The following NEXMIF variants were observed in gnomAD, a reference collection of about 807,000 sequenced individuals.
The protein encoded by NEXMIF is neurite extension and migration factor.
Under a neutral mutation model 62.1 loss-of-function variants are expected in NEXMIF, and 8 were observed. The observed-to-expected ratio is 0.13, with a 90% confidence interval of 0.08 to 0.23. The LOEUF is 0.23. Ranked by LOEUF, NEXMIF falls within the 10% of genes least tolerant of loss-of-function variation. NEXMIF has a pLI of 1.00. For missense variants in NEXMIF, 976 were observed against 1,113.3 expected, an observed-to-expected ratio of 0.88 and a Z score of 1.75; for synonymous variants, 404 against 416.6, an observed-to-expected ratio of 0.97 and a Z score of 0.37.
chrX:74,817,470 T>A (rs1164559658), intron 1 of NEXMIF, among the ~76,000 whole-genome samples: 1 of 111,880 alleles, frequency 8.9e-6, no homozygotes, highest in Non-Finnish European at 1.9e-5. Flanking sequence ...ACAGTCCATA[T>A]ACTAAAGGGT....
chrX:74,752,240 T>C (rs912131972), intron 1 of NEXMIF, among the ~76,000 whole-genome samples: 1 of 112,113 alleles, frequency 8.9e-6, no homozygotes, highest in Non-Finnish European at 1.9e-5. Context: ...TTCCATCTCA[T>C]GTCCTTTCCT....
At chrX:74,821,914 T>C (rs1361243897) in intron 1 of NEXMIF, among the ~76,000 whole-genome samples, 1 of 111,346 alleles carries the variant, frequency 9.0e-6, no homozygotes, top group Non-Finnish European at 1.9e-5. Flanking sequence ...CACGCTCGGC[T>C]AATTTTTGCA....
In NEXMIF at chrX:74,742,464, T is replaced by G. The variant is rs1225690006; in HGVS notation, c.2093A>C (p.Asp698Ala). The G allele has an allele frequency of 5.8e-6, 7 of 1,209,893 alleles. No individual in the cohort carries two copies. The highest frequency in any genetic ancestry group is 6.7e-6 in the Non-Finnish European group (6 of 894,550). Residue 698 changes from aspartate to alanine, a missense_variant, in exon 3 of 4, where the codon GAC (aspartate) becomes GCC (alanine). Asp to Ala is a moderately radical substitution (Grantham distance 126, BLOSUM62 -2). Transcript: ENST00000055682. ...GTCTTGGGCTTTGACTTTCACTGAG[T>G]CAGGGCCTGTGATGTCATTTAAATG... ...GSHLNDITGP[D>A]SVKVKAQDTE...
intron 1 of NEXMIF, among the ~76,000 whole-genome samples, chrX:74,831,896 C>T (rs145386018): frequency 0.016 from 1,843 of 112,187 alleles, 23 homozygotes; most frequent in Non-Finnish European, 0.028. Context: ...TGCTACACTC[C>T]ATTCATATGA....
At chrX:74,895,870 C>T (rs1019743900) in intron 1 of NEXMIF, among the ~76,000 whole-genome samples, 1 of 109,046 alleles carries the variant, frequency 9.2e-6, no homozygotes, top group African/African-American at 3.3e-5. Context: ...ATGAATAAGG[C>T]CTAGAAATGA....
intron 1 of NEXMIF, among the ~76,000 whole-genome samples, chrX:74,768,879 G>A (rs964563168): frequency 1.2e-4 from 13 of 111,831 alleles, no homozygotes; most frequent in African/African-American, 3.9e-4. Context: ...AGCCATGTGC[G>A]TGAGAAAAAG....
rs767852040 is a variant in NEXMIF at position 74,790,601 on chromosome X, C to T, written c.-47-44904G>A. The stretch of plus-strand genomic sequence containing the variant: ...ATTTTCACAATACTGATTCTTCCTA[C>T]CCATGAGCATGGAATGTTCTTCCAT... On this transcript the variant is annotated intron_variant, in intron 1 of 3. Coordinates refer to ENST00000055682, the MANE Select transcript of NEXMIF (RefSeq NM_001008537.3). 4.5e-3 allele frequency among the ~76,000 whole-genome samples: 508 copies of T among 113,121 alleles called. 2 individuals are homozygous for T. The highest frequency in any genetic ancestry group is 7.8e-3 in the Non-Finnish European group (415 of 53,104).
At chrX:74,920,810 C>T (rs986846458) in intron 1 of NEXMIF, among the ~76,000 whole-genome samples, 1 of 111,491 alleles carries the variant, frequency 9.0e-6, no homozygotes, top group Non-Finnish European at 1.9e-5. Context: ...TGACTTGGCA[C>T]TACTTTAGCA....
chrX:74,745,608 C>G lies in NEXMIF; in HGVS notation c.43G>C (p.Gly15Arg). ...ACCCCATTAATCAGAGTGTTTTCTC[C>G]GTTGGCTGAGGCAACAATAGCCTTA... ...QDKAIVASAN[G>R]ENTLINGVKE... The change falls in exon 2 of 4, where the codon GGA becomes CGA. Residue 15 changes from glycine to arginine, a missense_variant. Physicochemically the swap from Gly to Arg is moderately radical, Grantham distance 125. This residue lies in a region of NEXMIF where 126 missense variants were observed against 146.5 expected (regional missense o/e 0.86). Coordinates refer to ENST00000055682, the MANE Select transcript of NEXMIF (RefSeq NM_001008537.3). 8.3e-7 allele frequency: 1 copy of G among 1,202,668 alleles called. No individual in the cohort carries two copies. Among genetic ancestry groups the G allele is most frequent in the Non-Finnish European group, 1.1e-6 (1 of 887,530 alleles).
At chrX:74,796,147 A>T (rs2080306652) in intron 1 of NEXMIF, among the ~76,000 whole-genome samples, 2 of 74,488 alleles carry the variant, frequency 2.7e-5, no homozygotes, top group African/African-American at 1.1e-4. Context: ...TATATATTAT[A>T]TATATACATA....
intron 1 of NEXMIF, among the ~76,000 whole-genome samples, chrX:74,776,498 G>C (rs2080228864): frequency 1.8e-5 from 2 of 110,825 alleles, no homozygotes; most frequent in Non-Finnish European, 3.8e-5. Context: ...GGCCGAGGTG[G>C]GTAGATCACC....
chrX:74,741,195 C>A lies in NEXMIF; in HGVS notation c.3362G>T (p.Arg1121Leu). Residue 1121 changes from arginine to leucine, a missense_variant, in exon 3 of 4, where the codon CGG (arginine) becomes CTG (leucine). This residue lies in a region of NEXMIF where 639 missense variants were observed against 694.5 expected (regional missense o/e 0.92). Transcript: ENST00000055682. ...KIKWDCSTLS[R>L]QVQMEDGFTL... is the part of the protein sequence containing the mutation. ...AAATCCATCCTCCATTTGGACCTGC[C>A]GTGAAAGGGTACTGCAGTCCCACTT... is the stretch of plus-strand genomic sequence containing the variant. 8.3e-7 allele frequency: 1 copy of A among 1,211,221 alleles called. No homozygotes were observed. The highest frequency in any genetic ancestry group is 1.8e-5 in the South Asian group (1 of 56,954).
At chrX:74,889,753 A>T (rs2080710842) in intron 1 of NEXMIF, among the ~76,000 whole-genome samples, 1 of 111,468 alleles carries the variant, frequency 9.0e-6, no homozygotes, top group South Asian at 3.8e-4. Flanking sequence ...GAGTTAAAAG[A>T]TCTACACTGG....
At chrX:74,833,397 C>A (rs1210719102) in intron 1 of NEXMIF, among the ~76,000 whole-genome samples, 1 of 111,532 alleles carries the variant, frequency 9.0e-6, no homozygotes. Context: ...TATAGCTATT[C>A]CTGCTCCTTT....
Position 74,742,659 on chromosome X carries a change from C to A in NEXMIF, c.1898G>T (p.Gly633Val). 8.3e-7 allele frequency: 1 copy of A among 1,211,177 alleles called. No individual in the cohort carries two copies. Among genetic ancestry groups the A allele is most frequent in the Non-Finnish European group, 1.1e-6 (1 of 895,272 alleles). ...PPARKRKSKL[G>V]NRHRIQRIPS... ...GATTCTTTGAATCCTGTGCCTGTTG[C>A]CAAGTTTAGATTTTCGTTTGCGAGC... Residue 633 changes from glycine to valine, a missense_variant, in exon 3 of 4, where the codon GGC (glycine) becomes GTC (valine). Gly to Val is a moderately radical substitution (Grantham distance 109, BLOSUM62 -3). Coordinates refer to ENST00000055682, the MANE Select transcript of NEXMIF (RefSeq NM_001008537.3).
rs184548090 is a variant in NEXMIF, at chrX:74,770,331, T to C, written c.-47-24634A>G. On this transcript the variant is annotated intron_variant, in intron 1 of 3. Coordinates refer to ENST00000055682, the MANE Select transcript of NEXMIF (RefSeq NM_001008537.3). ...GTATATCTGATTGGCTTTATGTATATGGCATATTTTCCTGGAAAAGTTTTA... is the reference window on the plus strand; with the variant it reads ...GTATATCTGATTGGCTTTATGTATACGGCATATTTTCCTGGAAAAGTTTTA... 3.4e-3 allele frequency among the ~76,000 whole-genome samples: 380 copies of C among 112,228 alleles called. 2 individuals are homozygous for C. The highest frequency in any genetic ancestry group is 0.012 in the African/African-American group (362 of 30,992).
chrX:74,789,323 C>G (rs1211160810), intron 1 of NEXMIF, among the ~76,000 whole-genome samples: 1 of 105,989 alleles, frequency 9.4e-6, no homozygotes, highest in African/African-American at 3.4e-5. Context: ...TTTATGGCTG[C>G]ATAGTATTCC....
At chrX:74,875,199 A>G (rs1179662249) in intron 1 of NEXMIF, among the ~76,000 whole-genome samples, 1 of 110,958 alleles carries the variant, frequency 9.0e-6, no homozygotes, top group Non-Finnish European at 1.9e-5. Context: ...AGTTTTTAGC[A>G]TGAAGGGTTG....
rs766451802 is a variant in NEXMIF, at chrX:74,745,584, C to G, written c.67G>C (p.Val23Leu). The change falls in exon 2 of 4, where the codon GTC (valine) becomes CTC (leucine). Residue 23 changes from valine to leucine, a missense_variant. Transcript: ENST00000055682. ...TAAATTCCCTTACCATTTTCTTTGA[C>G]CCCATTAATCAGAGTGTTTTCTCCG... ...ANGENTLING[V>L]KENDSEDQDV... is the part of the protein sequence containing the mutation. 38 of 1,187,940 alleles carry G rather than the reference C, an allele frequency of 3.2e-5. No homozygotes were observed. Among genetic ancestry groups the G allele is most frequent in the Non-Finnish European group, 2.7e-5 (24 of 875,556 alleles).
Sources: gnomAD v4.1 joint callset for allele counts (sites outside exome capture counted in the v4.1 genomes callset) on GRCh38, gnomAD v4.1.1 for gene constraint, gnomAD v4.1.1 regional missense constraint, MANE v1.5 for transcripts, NCBI Gene and HGNC (gene_info 2026-07-23, HGNC 2026-07-21) for gene names.